DDX10: variants seen among roughly 807,000 people sequenced by gnomAD.
DDX10 encodes DEAD-box helicase 10.
Under a neutral mutation model 104.3 loss-of-function variants are expected in DDX10, and 74 were observed. The ratio of observed to expected loss-of-function variants is 0.71; its 90% CI spans 0.59 to 0.86. The LOEUF is 0.86. DDX10 is among the 40% of genes least tolerant of loss of function. The pLI, the probability that DDX10 is intolerant of heterozygous loss-of-function variation, is 0.00. For synonymous variants in DDX10, 351 were observed against 353.4 expected, an observed-to-expected ratio of 0.99 and a Z score of 0.08; for missense variants, 952 against 1,040.0, an observed-to-expected ratio of 0.92 and a Z score of 1.16.
chr11:108,819,251 G>GT (rs1038364520), intron 13 of DDX10, among the ~76,000 whole-genome samples: 1 of 151,940 alleles, frequency 6.6e-6, no homozygotes, highest in African/African-American at 2.4e-5. Context: ...TACCTTTCCT[G>GT]TTTTTTCTCC....
chr11:108,680,717 A>G (rs1436889704), intron 6 of DDX10, among the ~76,000 whole-genome samples: 2 of 152,216 alleles, frequency 1.3e-5, no homozygotes, highest in African/African-American at 4.8e-5. Context: ...ATGTTAGCCT[A>G]AAAAGAAATA....
At position 108,852,192 on chromosome 11, in the gene DDX10, A is replaced by G. The variant is rs150789803; in HGVS notation, c.2287A>G (p.Asn763Asp). 1.2e-6 allele frequency: 2 copies of G among 1,611,236 alleles called. No individual in the cohort carries two copies. Among genetic ancestry groups the G allele is most frequent in the African/African-American group, 2.7e-5 (2 of 74,890 alleles). The change falls in exon 16 of 18, where the codon AAC (asparagine) becomes GAC (aspartate). Residue 763 changes from asparagine (N) to aspartate (D), a missense_variant. By Grantham distance (23) the Asn-to-Asp change is conservative. This residue lies in a region of DDX10 where 533 missense variants were observed against 534.1 expected (regional missense o/e 1.00). Coordinates refer to ENST00000322536, the MANE Select transcript of DDX10 (RefSeq NM_004398.4). ...LKEREARREA[N>D]KRQAKAKDEE... is the part of the protein sequence containing the mutation. ...AGAAAGGGAAGCCAGAAGAGAAGCC[A>G]ACAAGAGACAAGCAAAGGTAAGGGT...
chr11:108,725,419 TTTGTGTTCTTGCCAGCAGTGTA>T (rs1426233923), intron 13 of DDX10, among the ~76,000 whole-genome samples: 2 of 152,132 alleles, frequency 1.3e-5, no homozygotes, highest in Non-Finnish European at 2.9e-5. Flanking sequence ...GCTCTTCCAA[TTTGTGTTCTTGCCAGCAGTGTA>T]TAGAGTTCGA....
At position 108,665,185 on chromosome 11, in the gene DDX10, G is replaced by T. The variant is rs200644108; in HGVS notation, c.32G>T (p.Gly11Val). Residue 11 changes from glycine to valine, a missense_variant, in exon 1 of 18, where the codon GGA (glycine) becomes GTA (valine). By Grantham distance (109) the Gly-to-Val change is moderately radical. This residue lies in a region of DDX10 where 412 missense variants were observed against 479.2 expected (regional missense o/e 0.86). Transcript: ENST00000322536. The stretch of plus-strand genomic sequence containing the variant: ...AAAACGGCCAACTCTCCGGGTTCGG[G>T]AGCCCGACCCGACCCGGTGCGGAGC... Reference protein sequence around the residue: MGKTANSPGSGARPDPVRSFN... With the variant: MGKTANSPGSVARPDPVRSFN... The T allele has an allele frequency of 6.2e-7, 1 of 1,611,962 alleles. No homozygotes were observed. Among genetic ancestry groups the T allele is most frequent in the East Asian group, 2.2e-5 (1 of 44,718 alleles).
intron 16 of DDX10, among the ~76,000 whole-genome samples, chr11:108,886,282 TG>T (rs1863295365): frequency 6.6e-6 from 1 of 152,200 alleles, no homozygotes; most frequent in East Asian, 1.9e-4. Flanking sequence ...AAAAGCAGGT[TG>T]TTAAATCCCC....
At chr11:108,886,044 C>G (rs1174403263) in intron 16 of DDX10, among the ~76,000 whole-genome samples, 6 of 152,170 alleles carry the variant, frequency 3.9e-5, no homozygotes, top group African/African-American at 1.4e-4. Context: ...AGTGAAGATA[C>G]AGCAGTGGGA....
intron 17 of DDX10, chr11:108,918,303 T>TTTC (rs1863779504): frequency 2.5e-6 from 1 of 398,448 alleles, no homozygotes; most frequent in Non-Finnish European, 4.4e-6. Context: ...TTTTTTTTTT[T>TTTC]TTCTTATCTT....
intron 16 of DDX10, among the ~76,000 whole-genome samples, chr11:108,871,171 A>G (rs1363048500): frequency 6.6e-6 from 1 of 152,160 alleles, no homozygotes; most frequent in African/African-American, 2.4e-5. Context: ...TCCATAGAAA[A>G]GATGTTCTAT....
chr11:108,791,485 A>G (rs1167758598), intron 13 of DDX10, among the ~76,000 whole-genome samples: 5 of 152,242 alleles, frequency 3.3e-5, no homozygotes, highest in Non-Finnish European at 7.3e-5. Flanking sequence ...TGTATAATAC[A>G]TTCACTAATT....
chr11:108,819,171 G>A (rs1862293000), intron 13 of DDX10, among the ~76,000 whole-genome samples: 1 of 151,906 alleles, frequency 6.6e-6, no homozygotes, highest in Non-Finnish European at 1.5e-5. Context: ...CCTTTTCCAT[G>A]TCTGTTTTGT....
intron 16 of DDX10, among the ~76,000 whole-genome samples, chr11:108,899,908 G>GT (rs1863493071): frequency 6.6e-6 from 1 of 152,194 alleles, no homozygotes; most frequent in African/African-American, 2.4e-5. Context: ...AAGGTCAGGA[G>GT]TTCGAGAGCA....
intron 13 of DDX10, chr11:108,822,317 A>G: frequency 3.1e-6 from 1 of 322,658 alleles, no homozygotes; most frequent in Non-Finnish European, 6.0e-6. Context: ...GTAATAAATA[A>G]GGCAGTGGCC....
intron 8 of DDX10, among the ~76,000 whole-genome samples, chr11:108,692,395 G>C (rs1239358603): frequency 6.6e-6 from 1 of 152,154 alleles, no homozygotes; most frequent in Non-Finnish European, 1.5e-5. Flanking sequence ...AATCAGTGAA[G>C]TCCATGTTTT....
chr11:108,691,567 A>G (rs773313988), intron 7 of DDX10, among the ~76,000 whole-genome samples: 8 of 152,218 alleles, frequency 5.3e-5, no homozygotes, highest in African/African-American at 1.4e-4. Flanking sequence ...CAGTCAGCCT[A>G]TGGCCACAGG....
chr11:108,787,760 G>A (rs1009395354), intron 13 of DDX10, among the ~76,000 whole-genome samples: 6 of 151,916 alleles, frequency 3.9e-5, no homozygotes, highest in Non-Finnish European at 7.4e-5. Context: ...GAGAAACCCC[G>A]TCTCTACTAA....
chr11:108,860,024 T>A (rs528640754), intron 16 of DDX10, among the ~76,000 whole-genome samples: 38 of 152,256 alleles, frequency 2.5e-4, no homozygotes, highest in African/African-American at 8.7e-4. Context: ...TCCTCCTTTC[T>A]TCTTCTTCTT....
At chr11:108,897,413 T>C (rs564569696) in intron 16 of DDX10, among the ~76,000 whole-genome samples, 1 of 152,252 alleles carries the variant, frequency 6.6e-6, no homozygotes, top group East Asian at 1.9e-4. Context: ...CAATAACAAA[T>C]GGGTACCCAA....
At chr11:108,723,857 A>G (rs1013585142) in intron 13 of DDX10, among the ~76,000 whole-genome samples, 1 of 152,164 alleles carries the variant, frequency 6.6e-6, no homozygotes, top group Non-Finnish European at 1.5e-5. Context: ...TTATTTAAAT[A>G]TAAGTTTTAC....
Position 108,723,247 on chromosome 11 carries a change from G to C in DDX10, c.1750G>C (p.Glu584Gln). The part of the protein sequence containing the change: ...DNDTGNEEQE[E>Q]EEDDEEEMEE... ...TGATACTGGTAATGAAGAACAGGAA[G>C]AAGAAGAAGACGATGAAGAAGAAAT... The change falls in exon 13 of 18, where the codon GAA becomes CAA. Residue 584 changes from glutamate to glutamine, a missense_variant. Glu to Gln is a conservative substitution (Grantham distance 29). Around this residue, in one of 3 missense-constraint regions of DDX10, gnomAD observed 533 missense variants for 534.1 expected, o/e 1.00. Coordinates refer to ENST00000322536, the MANE Select transcript of DDX10 (RefSeq NM_004398.4). 6.2e-7 allele frequency: 1 copy of C among 1,613,126 alleles called. No homozygotes were observed. The highest frequency in any genetic ancestry group is 1.1e-5 in the South Asian group (1 of 91,006).
Sources: allele counts gnomAD v4.1 joint callset (sites outside exome capture counted in the v4.1 genomes callset), GRCh38; gene constraint gnomAD v4.1.1; regional missense constraint gnomAD v4.1.1; transcripts MANE v1.5; gene names NCBI Gene and HGNC (gene_info 2026-07-23, HGNC 2026-07-21).